The following PSD3 variants were observed in gnomAD, a reference collection of about 807,000 sequenced individuals.
PSD3 encodes PH and SEC7 domain-containing protein 3.
A neutral mutation model predicts 105.5 loss-of-function variants in PSD3; 49 were observed. The ratio of observed to expected loss-of-function variants is 0.46; its 90% CI spans 0.37 to 0.59. PSD3 has a LOEUF of 0.59. Among genes scored for constraint, PSD3 ranks in the 20% least tolerant of loss-of-function variants. PSD3 has a pLI of 0.00. For missense variants in PSD3, 1,561 were observed against 1,263.8 expected (o/e 1.24, Z -3.57); for synonymous variants, 557 against 457.8 (o/e 1.22, Z -2.77).
At chr8:18,916,423 C>T (rs1820613471) in intron 2 of PSD3, among the ~76,000 whole-genome samples, 1 of 146,348 alleles carries the variant, frequency 6.8e-6, no homozygotes, top group Admixed American at 6.9e-5. Context: ...AAAATCCCAT[C>T]ATTTGTGACA....
intron 15 of PSD3, among the ~76,000 whole-genome samples, chr8:18,546,585 A>T (rs951144115): frequency 8.5e-5 from 13 of 152,230 alleles, no homozygotes; most frequent in African/African-American, 2.7e-4. Flanking sequence ...TAAAAATTTT[A>T]AAATCTCACT....
chr8:18,964,062 CAATT>C (rs1272557944), intron 1 of PSD3, among the ~76,000 whole-genome samples: 2 of 152,166 alleles, frequency 1.3e-5, no homozygotes, highest in African/African-American at 4.8e-5. Context: ...CAAAATACCT[CAATT>C]AAAGTAAGAG....
intron 8 of PSD3, among the ~76,000 whole-genome samples, chr8:18,772,854 G>C (rs529594617): frequency 2.0e-5 from 3 of 152,246 alleles, no homozygotes; most frequent in Non-Finnish European, 4.4e-5. Flanking sequence ...ATCTATTAAA[G>C]TATTTTTCCC....
chr8:19,066,334 A>G (rs544423238), intron 1 of PSD3, among the ~76,000 whole-genome samples: 2 of 152,344 alleles, frequency 1.3e-5, no homozygotes, highest in South Asian at 4.1e-4. Context: ...TTTAATTCTA[A>G]CAAACCCTTA....
At chr8:18,616,603 G>T (rs1169186571) in intron 11 of PSD3, among the ~76,000 whole-genome samples, 4 of 149,502 alleles carry the variant, frequency 2.7e-5, no homozygotes, top group African/African-American at 9.8e-5. Context: ...TGCTAGCCAG[G>T]CCTCATCTTC....
intron 14 of PSD3, among the ~76,000 whole-genome samples, 181 bp from the exon 15 acceptor site, chr8:18,556,533 C>A (rs570274227): frequency 1.3e-5 from 2 of 152,298 alleles, no homozygotes; most frequent in South Asian, 4.1e-4. Context: ...TCATATATTC[C>A]TTCCCGGGAT....
chr8:19,021,068 T>C (rs1412560505), intron 1 of PSD3, among the ~76,000 whole-genome samples: 1 of 151,676 alleles, frequency 6.6e-6, no homozygotes, highest in Non-Finnish European at 1.5e-5. Flanking sequence ...ACCAAAGGAG[T>C]GGATGGTAAA....
chr8:18,983,560 G>A (rs769672713), intron 1 of PSD3, among the ~76,000 whole-genome samples: 14 of 152,150 alleles, frequency 9.2e-5, no homozygotes, highest in Non-Finnish European at 1.9e-4. Flanking sequence ...TTATGAATTG[G>A]ATTAATTTCA....
At chr8:18,625,080 A>C (rs186661582) in intron 11 of PSD3, among the ~76,000 whole-genome samples, 1 of 152,098 alleles carries the variant, frequency 6.6e-6, no homozygotes, top group African/African-American at 2.4e-5. Flanking sequence ...AAAAGTCATG[A>C]AGTTACTGTC....
At chr8:18,808,900 C>T in intron 4 of PSD3, 1 of 1,559,182 alleles carries the variant, frequency 6.4e-7, no homozygotes, top group Non-Finnish European at 8.6e-7. Flanking sequence ...GAACCTGGCT[C>T]CCTGTGAGGT....
At chr8:18,583,029 T>C (rs1175867804) in intron 12 of PSD3, among the ~76,000 whole-genome samples, 4 of 152,096 alleles carry the variant, frequency 2.6e-5, no homozygotes, top group African/African-American at 7.2e-5. Context: ...GGTTTCACCA[T>C]GTTGGTCAGG....
intron 1 of PSD3, among the ~76,000 whole-genome samples, chr8:18,988,449 T>A (rs1404718608): frequency 2.0e-5 from 3 of 152,236 alleles, no homozygotes; most frequent in Non-Finnish European, 4.4e-5. Flanking sequence ...CTGCTTTTCA[T>A]CAATCAAATA....
chr8:19,039,954 T>C (rs1828066696), intron 1 of PSD3, among the ~76,000 whole-genome samples: 1 of 152,170 alleles, frequency 6.6e-6, no homozygotes, highest in African/African-American at 2.4e-5. Context: ...TGAAGCAGGT[T>C]AAGGGTTTAT....
At chr8:18,539,940 A>G (rs1800066233) in intron 15 of PSD3, among the ~76,000 whole-genome samples, 3 of 152,314 alleles carry the variant, frequency 2.0e-5, no homozygotes, top group African/African-American at 4.8e-5. Context: ...GAAGCTCATC[A>G]ATCATATTGC....
intron 1 of PSD3, among the ~76,000 whole-genome samples, chr8:18,981,186 A>G (rs1404155844): frequency 2.0e-5 from 3 of 152,190 alleles, no homozygotes; most frequent in Non-Finnish European, 4.4e-5. Flanking sequence ...CCTCAGCACC[A>G]CATAATGGAT....
At chr8:18,775,992 C>A (rs1455949840) in intron 8 of PSD3, among the ~76,000 whole-genome samples, 1 of 152,182 alleles carries the variant, frequency 6.6e-6, no homozygotes, top group South Asian at 2.1e-4. Flanking sequence ...TTACATTTAA[C>A]TCTTTAATCC....
At chr8:18,795,560 T>C (rs1810101155) in intron 8 of PSD3, among the ~76,000 whole-genome samples, 2 of 152,246 alleles carry the variant, frequency 1.3e-5, no homozygotes, top group Admixed American at 1.3e-4. Flanking sequence ...GTGTATCTCT[T>C]GTGACTTTCT....
At chr8:18,739,695 T>A (rs976804034) in intron 9 of PSD3, among the ~76,000 whole-genome samples, 1 of 152,172 alleles carries the variant, frequency 6.6e-6, no homozygotes, top group African/African-American at 2.4e-5. Flanking sequence ...AACTTATCAT[T>A]GTATATATTT....
intron 9 of PSD3, among the ~76,000 whole-genome samples, chr8:18,662,135 T>C (rs544291751): frequency 2.5e-4 from 38 of 152,262 alleles, no homozygotes; most frequent in Non-Finnish European, 4.3e-4. Context: ...CACCTAACCA[T>C]GAATAGATGT....
Sources: gnomAD v4.1 joint callset for allele counts (sites outside exome capture counted in the v4.1 genomes callset) on GRCh38, gnomAD v4.1.1 for gene constraint, MANE v1.5 for transcripts, NCBI Gene and HGNC (gene_info 2026-07-23, HGNC 2026-07-21) for gene names.